The following CCBE1 variants were observed in gnomAD, a reference collection of about 807,000 sequenced individuals.
CCBE1 encodes collagen and calcium-binding EGF domain-containing protein 1.
A neutral mutation model predicts 50.0 loss-of-function variants in CCBE1; 37 were observed. The ratio of observed to expected loss-of-function variants is 0.74; its 90% confidence interval spans 0.57 to 0.97. CCBE1 has a LOEUF of 0.97. Among genes scored for constraint, CCBE1 ranks in the 50% least tolerant of loss-of-function variants. CCBE1 has a pLI of 0.00. For missense variants in CCBE1, 538 were observed against 523.8 expected (o/e 1.03, Z -0.26); for synonymous variants, 234 against 203.7 (o/e 1.15, Z -1.27).
chr18:59,540,590 C>T (rs1052174319), intron 2 of CCBE1, among the ~76,000 whole-genome samples: 1 of 152,130 alleles, frequency 6.6e-6, no homozygotes, highest in African/African-American at 2.4e-5. Context: ...TCCTCTTCTC[C>T]CCACTGATTT....
intron 2 of CCBE1, among the ~76,000 whole-genome samples, chr18:59,608,182 T>C (rs907064215): frequency 2.4e-4 from 36 of 152,340 alleles, no homozygotes; most frequent in African/African-American, 7.5e-4. Context: ...AATGGGGTTA[T>C]TTTGAAAATT....
intron 5 of CCBE1, among the ~76,000 whole-genome samples, chr18:59,456,099 A>G (rs1354654598): frequency 6.6e-6 from 1 of 151,728 alleles, no homozygotes; most frequent in Non-Finnish European, 1.5e-5. Flanking sequence ...CTCTCTACCC[A>G]CGGAAGTCTG....
intron 3 of CCBE1, among the ~76,000 whole-genome samples, chr18:59,477,884 T>C (rs1337182631): frequency 6.6e-6 from 1 of 152,178 alleles, no homozygotes; most frequent in Non-Finnish European, 1.5e-5. Context: ...AGGCATAGAT[T>C]TGTGATAATT....
chr18:59,563,225 AC>A (rs2052768463), intron 2 of CCBE1, among the ~76,000 whole-genome samples: 1 of 151,944 alleles, frequency 6.6e-6, no homozygotes, highest in African/African-American at 2.4e-5. Flanking sequence ...CCAATATAAA[AC>A]CCCAACTCTG....
intron 2 of CCBE1, among the ~76,000 whole-genome samples, chr18:59,679,877 G>A (rs1358294801): frequency 2.0e-5 from 3 of 152,118 alleles, no homozygotes; most frequent in South Asian, 2.1e-4. Context: ...AACTTGAGGC[G>A]GGGACGGAGC....
At chr18:59,630,868 A>T (rs2053840891) in intron 2 of CCBE1, among the ~76,000 whole-genome samples, 1 of 152,212 alleles carries the variant, frequency 6.6e-6, no homozygotes, top group South Asian at 2.1e-4. Flanking sequence ...CAATCATTTC[A>T]GCCATTAATT....
rs562774822 is a variant in CCBE1, at chr18:59,602,567, C to CA, written c.212+94061dup. 9.1e-4 allele frequency among the ~76,000 whole-genome samples: 139 copies of CA among 151,964 alleles called. 1 individual carries two copies. The highest frequency in any genetic ancestry group is 1.1e-3 in the Non-Finnish European group (72 of 67,964). ...TTGAAAACAGAAAATACATATAATA[C>CA]AAAAAGGGTATATATATGTATGTAA... On this transcript the variant is annotated intron_variant, in intron 2 of 10. Coordinates refer to ENST00000439986, the MANE Select transcript of CCBE1 (RefSeq NM_133459.4).
At chr18:59,678,041 G>A (rs1251952559) in intron 2 of CCBE1, among the ~76,000 whole-genome samples, 3 of 152,122 alleles carry the variant, frequency 2.0e-5, no homozygotes, top group African/African-American at 4.8e-5. Context: ...CAACCATACC[G>A]GGGGATGCAA....
chr18:59,658,921 A>G (rs1417252307), intron 2 of CCBE1, among the ~76,000 whole-genome samples: 2 of 151,158 alleles, frequency 1.3e-5, no homozygotes, highest in Non-Finnish European at 2.9e-5. Flanking sequence ...TACCAGATAT[A>G]ATCTTTATTG....
intron 2 of CCBE1, among the ~76,000 whole-genome samples, chr18:59,691,683 C>T (rs561432216): frequency 3.9e-4 from 60 of 152,350 alleles, no homozygotes; most frequent in African/African-American, 1.3e-3. Context: ...GGATTACAGG[C>T]GTGAGCCACC....
intron 2 of CCBE1, among the ~76,000 whole-genome samples, chr18:59,653,687 A>T (rs976045448): frequency 3.9e-5 from 6 of 152,034 alleles, no homozygotes; most frequent in African/African-American, 1.2e-4. Context: ...CAATAGAGTT[A>T]AAAAAAATTA....
intron 2 of CCBE1, among the ~76,000 whole-genome samples, chr18:59,602,064 C>G (rs1358575439): frequency 6.7e-6 from 1 of 149,902 alleles, no homozygotes. Flanking sequence ...CACCTCAATT[C>G]AAGTGCCCAT....
At chr18:59,505,470 G>A (rs969307190) in intron 2 of CCBE1, among the ~76,000 whole-genome samples, 5 of 152,206 alleles carry the variant, frequency 3.3e-5, no homozygotes, top group African/African-American at 1.2e-4. Context: ...CAACCCATAT[G>A]AATTCAGATT....
Position 59,504,070 on chromosome 18 carries a change from A to G in CCBE1, c.213-23832T>C, listed in dbSNP as rs182480085. ...TGAGCGCTGAATGTGTTAATCGCCAACTCACTCACTGCCTGAGTGAACAGA... is the reference window on the plus strand; with the variant it reads ...TGAGCGCTGAATGTGTTAATCGCCAGCTCACTCACTGCCTGAGTGAACAGA... On this transcript the variant is annotated intron_variant, in intron 2 of 10. Coordinates refer to ENST00000439986, the MANE Select transcript of CCBE1 (RefSeq NM_133459.4). Among the ~76,000 whole-genome samples, 372 of 152,278 alleles carry G rather than the reference A, an allele frequency of 2.4e-3. 1 individual carries two copies. Among genetic ancestry groups the G allele is most frequent in the Non-Finnish European group, 4.1e-3 (277 of 68,020 alleles).
At chr18:59,653,284 C>G (rs1320355936) in intron 2 of CCBE1, among the ~76,000 whole-genome samples, 1 of 152,220 alleles carries the variant, frequency 6.6e-6, no homozygotes, top group Non-Finnish European at 1.5e-5. Flanking sequence ...TTCTCAATGA[C>G]TCTTGAACAT....
intron 2 of CCBE1, among the ~76,000 whole-genome samples, chr18:59,638,996 C>T (rs978281697): frequency 2.0e-5 from 3 of 152,140 alleles, no homozygotes; most frequent in African/African-American, 7.2e-5. Context: ...CTTATTTTGG[C>T]AGAACTTGAC....
chr18:59,550,998 C>CAAAAA lies in CCBE1; in HGVS notation c.213-70765_213-70761dup, dbSNP rs555160847. Among the ~76,000 whole-genome samples the CAAAAA allele has an allele frequency of 4.9e-3, 349 of 71,342 alleles. 3 individuals are homozygous for CAAAAA. The highest frequency in any genetic ancestry group is 0.012 in the Middle Eastern group (1 of 86). 46.8% of individuals were successfully genotyped at this position (71,342 alleles called of 152,430 possible). On this transcript the variant is annotated intron_variant, in intron 2 of 10. Transcript: ENST00000439986. ...CCAGCCTGGGCAACACAGCGAGACT[C>CAAAAA]AAAAAAAAAAAAAAAAAAAAAAAAA...
chr18:59,574,266 T>C (rs2052958198), intron 2 of CCBE1, among the ~76,000 whole-genome samples: 1 of 152,246 alleles, frequency 6.6e-6, no homozygotes, highest in African/African-American at 2.4e-5. Flanking sequence ...AAAGAATTTA[T>C]AGTACGGTTA....
At chr18:59,565,014 G>C (rs2052799215) in intron 2 of CCBE1, among the ~76,000 whole-genome samples, 1 of 152,250 alleles carries the variant, frequency 6.6e-6, no homozygotes, top group Non-Finnish European at 1.5e-5. Flanking sequence ...TGAGTAGTCA[G>C]CCTTGTTCCC....
Sources: allele counts gnomAD v4.1 joint callset (sites outside exome capture counted in the v4.1 genomes callset), GRCh38; gene constraint gnomAD v4.1.1; transcripts MANE v1.5; gene names NCBI Gene and HGNC (gene_info 2026-07-23, HGNC 2026-07-21).